ARHGEF28: variants seen among roughly 807,000 people sequenced by gnomAD.
ARHGEF28 encodes the protein 190 kDa guanine nucleotide exchange factor.
A neutral mutation model predicts 206.6 loss-of-function variants in ARHGEF28; 152 were observed. The ratio of observed to expected loss-of-function variants is 0.74; its 90% CI spans 0.64 to 0.84. The LOEUF (loss-of-function observed/expected upper bound fraction) is 0.84. ARHGEF28 is among the 40% of genes least tolerant of loss of function. ARHGEF28 has a pLI of 0.00. For synonymous variants in ARHGEF28, 763 were observed against 776.4 expected (o/e 0.98, Z 0.29); for missense variants, 2,028 against 2,073.2 (o/e 0.98, Z 0.42).
intron 2 of ARHGEF28, among the ~76,000 whole-genome samples, chr5:73,716,766 G>C (rs58798660): frequency 0.25 from 38,497 of 152,012 alleles, 5,524 homozygotes; most frequent in African/African-American, 0.37. Flanking sequence ...TTATTTGATG[G>C]CTTGGAGAAA....
intron 2 of ARHGEF28, among the ~76,000 whole-genome samples, chr5:73,686,929 A>G (rs558671851): frequency 6.6e-6 from 1 of 152,302 alleles, no homozygotes; most frequent in East Asian, 1.9e-4. Flanking sequence ...GGATAATGTT[A>G]TTATATTAAA....
chr5:73,910,015 G>C, intron 34 of ARHGEF28, 118 bp downstream of exon 34: 5 of 1,358,120 alleles, frequency 3.7e-6, no homozygotes, highest in Non-Finnish European at 4.7e-6. Flanking sequence ...GACCTCATGA[G>C]GATTTTTCAA....
intron 2 of ARHGEF28, among the ~76,000 whole-genome samples, chr5:73,719,780 G>A (rs764969864): frequency 3.3e-5 from 5 of 152,222 alleles, no homozygotes; most frequent in African/African-American, 7.2e-5. Flanking sequence ...GTAAATATGC[G>A]CAAGGTGAAT....
At chr5:73,711,932 GT>G (rs138981363) in intron 2 of ARHGEF28, among the ~76,000 whole-genome samples, 2 of 147,158 alleles carry the variant, frequency 1.4e-5, no homozygotes, top group Admixed American at 6.7e-5. Context: ...CTAGGTTTGG[GT>G]TTTTTTTTCT....
At chr5:73,789,703 A>G (rs190542721) in intron 7 of ARHGEF28, among the ~76,000 whole-genome samples, 1 of 152,096 alleles carries the variant, frequency 6.6e-6, no homozygotes, top group East Asian at 1.9e-4. Flanking sequence ...TTTGATACAA[A>G]AGACTTTATT....
intron 10 of ARHGEF28, among the ~76,000 whole-genome samples, chr5:73,838,254 A>T (rs984755004): frequency 1.5e-4 from 9 of 61,142 alleles, no homozygotes; most frequent in African/African-American, 4.8e-4. Context: ...ATATTAGCAT[A>T]GTACTTTTTT....
At chr5:73,763,805 C>T (rs1368989135) in intron 4 of ARHGEF28, among the ~76,000 whole-genome samples, 5 of 152,276 alleles carry the variant, frequency 3.3e-5, no homozygotes, top group African/African-American at 7.2e-5. Context: ...ACTTACAACA[C>T]CTAATGACCG....
intron 1 of ARHGEF28, among the ~76,000 whole-genome samples, chr5:73,634,389 A>G (rs1743565469): frequency 6.6e-6 from 1 of 152,246 alleles, no homozygotes; most frequent in Non-Finnish European, 1.5e-5. Flanking sequence ...TTATCACCAC[A>G]TAATAAAATG....
intron 35 of ARHGEF28, among the ~76,000 whole-genome samples, chr5:73,928,056 T>C (rs1458163510): frequency 1.3e-5 from 2 of 152,242 alleles, no homozygotes; most frequent in Admixed American, 1.3e-4. Flanking sequence ...TCCTGAATAC[T>C]GTGAATATCA....
chr5:73,879,827 CT>C lies in ARHGEF28; in HGVS notation c.2815-2644del, dbSNP rs1047991322. ...GTACCTGGCCATGTGAGGTGTCAGT[CT>C]GCCCCTACTGGGGGGTGCCTCCCAG... On this transcript the variant is annotated intron_variant, in intron 22 of 35. Coordinates refer to ENST00000513042, the MANE Select transcript of ARHGEF28 (RefSeq NM_001177693.2). 2.3e-4 allele frequency among the ~76,000 whole-genome samples: 35 copies of C among 152,294 alleles called. 1 individual carries two copies. Among genetic ancestry groups the C allele is most frequent in the South Asian group, 8.3e-4 (4 of 4,828 alleles).
At chr5:73,842,090 GTCTA>G (rs1418139583) in intron 11 of ARHGEF28, among the ~76,000 whole-genome samples, 1 of 152,054 alleles carries the variant, frequency 6.6e-6, no homozygotes, top group African/African-American at 2.4e-5. Context: ...ATCTGTATCT[GTCTA>G]TCTGATTGTC....
chr5:73,801,273 G>A (rs920394652), intron 9 of ARHGEF28, among the ~76,000 whole-genome samples: 5 of 151,578 alleles, frequency 3.3e-5, no homozygotes, highest in African/African-American at 1.2e-4. Flanking sequence ...GGTGAAACCC[G>A]GTCTCTACTA....
chr5:73,813,168 G>T (rs1398780326), intron 9 of ARHGEF28, among the ~76,000 whole-genome samples: 1 of 152,132 alleles, frequency 6.6e-6, no homozygotes, highest in African/African-American at 2.4e-5. Flanking sequence ...AGCAAAACAA[G>T]CCTGCACTGG....
chr5:73,723,909 A>G (rs562984045), intron 2 of ARHGEF28, among the ~76,000 whole-genome samples: 1 of 152,350 alleles, frequency 6.6e-6, no homozygotes, highest in South Asian at 2.1e-4. Context: ...TCTCTGGAGT[A>G]GATTCTGGGG....
chr5:73,834,798 A>G (rs181835558), intron 10 of ARHGEF28, among the ~76,000 whole-genome samples: 302 of 152,304 alleles, frequency 2.0e-3, no homozygotes, highest in African/African-American at 7.1e-3. Context: ...AGGCTATACC[A>G]TATAGCCTAG....
intron 4 of ARHGEF28, among the ~76,000 whole-genome samples, chr5:73,761,016 C>G (rs117768378): frequency 6.6e-6 from 1 of 152,188 alleles, no homozygotes; most frequent in Non-Finnish European, 1.5e-5. Flanking sequence ...GTCACTCTCT[C>G]TCCCTCAATT....
intron 16 of ARHGEF28, among the ~76,000 whole-genome samples, chr5:73,859,232 C>T: frequency 6.6e-6 from 1 of 152,142 alleles, no homozygotes; most frequent in East Asian, 1.9e-4. Context: ...ATACCTTGTA[C>T]ATTGCAGGGG....
intron 26 of ARHGEF28, among the ~76,000 whole-genome samples, chr5:73,888,033 C>G (rs1398091324): frequency 1.3e-5 from 2 of 152,216 alleles, no homozygotes; most frequent in African/African-American, 2.4e-5. Context: ...AGACTCCTCT[C>G]TTCCCCGCCC....
intron 9 of ARHGEF28, among the ~76,000 whole-genome samples, chr5:73,811,980 C>CA (rs11337063): frequency 0.017 from 1,989 of 114,408 alleles, 28 homozygotes; most frequent in Middle Eastern, 0.055. Context: ...GAGCCTGTCT[C>CA]AAAAAAAAAA....
Sources: gnomAD v4.1 joint callset for allele counts (sites outside exome capture counted in the v4.1 genomes callset) on GRCh38, gnomAD v4.1.1 for gene constraint, MANE v1.5 for transcripts, NCBI Gene and HGNC (gene_info 2026-07-23, HGNC 2026-07-21) for gene names.